The following ANXA6 variants were observed in gnomAD, a reference collection of about 807,000 sequenced individuals.
ANXA6 encodes 67 kDa calelectrin.
A neutral mutation model predicts 95.4 loss-of-function variants in ANXA6; 71 were observed. The ratio of observed to expected loss-of-function variants is 0.74; its 90% CI spans 0.61 to 0.91. The LOEUF is 0.91. Among genes scored for constraint, ANXA6 ranks in the 40% least tolerant of loss-of-function variants. ANXA6 has a pLI of 0.00. For missense variants in ANXA6, 830 were observed against 876.4 expected (o/e 0.95, Z 0.67); for synonymous variants, 289 against 315.9 (o/e 0.91, Z 0.90).
intron 14 of ANXA6, among the ~76,000 whole-genome samples, 167 bp downstream of exon 14, chr5:151,126,235 C>A (rs1394875511): frequency 6.6e-6 from 1 of 152,096 alleles, no homozygotes; most frequent in Non-Finnish European, 1.5e-5. Context: ...CCAGGTGCGC[C>A]CCTCCACCAG....
At chr5:151,139,752 G>A (rs918478311) in intron 3 of ANXA6, among the ~76,000 whole-genome samples, 2 of 152,154 alleles carry the variant, frequency 1.3e-5, no homozygotes, top group Non-Finnish European at 2.9e-5. Flanking sequence ...AATGAACCTG[G>A]CTTAGAAAAC....
rs1176415736 is a variant in ANXA6 at position 151,108,505 on chromosome 5, G to C, written c.1730C>G (p.Thr577Ser). 2 of 1,613,788 alleles carry C rather than the reference G, an allele frequency of 1.2e-6. No individual in the cohort carries two copies. The highest frequency in any genetic ancestry group is 1.3e-5 in the African/African-American group (1 of 74,876). The change falls in exon 23 of 26, where the codon ACC (threonine) becomes AGC (serine). Residue 577 changes from threonine (T) to serine (S), a missense_variant. Transcript: ENST00000354546. ...IKMTNYDVEH[T>S]IKKEMSGDVR... ...ATCCCCAGACATCTCCTTCTTGATG[G>C]TGTGCTCCACGTCATAGTTGGTCAT...
chr5:151,104,147 A>G (rs1764627154), intron 24 of ANXA6, among the ~76,000 whole-genome samples: 1 of 152,240 alleles, frequency 6.6e-6, no homozygotes, highest in African/African-American at 2.4e-5. Flanking sequence ...TCTGGCAACC[A>G]CCAGAAGCTA....
chr5:151,155,331 C>T (rs2113965274), intron 1 of ANXA6: 1 of 152,310 alleles, frequency 6.6e-6, no homozygotes, highest in South Asian at 2.1e-4. Flanking sequence ...TCAAGCACCA[C>T]ACCCTTTTGA....
intron 25 of ANXA6, 136 bp from the exon 26 acceptor site, chr5:151,101,643 G>A (rs1364311454): frequency 1.3e-6 from 1 of 763,948 alleles, no homozygotes; most frequent in East Asian, 2.7e-5. Context: ...GCCACATGTA[G>A]GCTACTGGGA....
Position 151,136,332 on chromosome 5 carries a change from T to A in ANXA6, c.413A>T (p.Tyr138Phe). 5 of 1,613,834 alleles carry A rather than the reference T, an allele frequency of 3.1e-6. No homozygotes were observed. Among genetic ancestry groups the A allele is most frequent in the Non-Finnish European group, 4.2e-6 (5 of 1,179,802 alleles). Residue 138 changes from tyrosine (Y) to phenylalanine (F), a missense_variant, in exon 7 of 26, where the codon TAC (tyrosine) becomes TTC (phenylalanine). Transcript: ENST00000354546. Reference protein sequence around the residue: ...HQLVAAYKDAYERDLEADIIG... With the variant: ...HQLVAAYKDAFERDLEADIIG... ...GATGTCAGCCTCCAGGTCCCGCTCG[T>A]AGGCTGCAGAAAGGAACGCAAGCTC... is the stretch of plus-strand genomic sequence containing the variant.
intron 22 of ANXA6, among the ~76,000 whole-genome samples, chr5:151,109,296 G>A (rs566192814): frequency 2.6e-4 from 40 of 152,244 alleles, no homozygotes; most frequent in African/African-American, 3.6e-4. Flanking sequence ...CATGATTACC[G>A]AGTGCCAGGG....
intron 22 of ANXA6, among the ~76,000 whole-genome samples, chr5:151,108,826 C>T (rs1055294682): frequency 3.9e-5 from 6 of 152,196 alleles, no homozygotes; most frequent in African/African-American, 1.4e-4. Context: ...TTCTGGGAAC[C>T]CAGGCTGGGG....
At chr5:151,130,394 G>A (rs1765461979) in intron 11 of ANXA6, among the ~76,000 whole-genome samples, 1 of 152,108 alleles carries the variant, frequency 6.6e-6, no homozygotes, top group African/African-American at 2.4e-5. Flanking sequence ...AGGACTACAG[G>A]TATGTGCCAC....
rs1217983185 is a variant in ANXA6 at position 151,132,507 on chromosome 5, A to G, written c.705T>C (p.Ser235=). 4 of 1,613,414 alleles carry G rather than the reference A, an allele frequency of 2.5e-6. No homozygotes were observed. Among genetic ancestry groups the G allele is most frequent in the Non-Finnish European group, 2.5e-6 (3 of 1,179,706 alleles). ...CCAGCATTAGCTTCTCAAAGTCCCC[A>G]GACAGCTCCCCTCGGATGCTGGCTT... ...PIEASIRGEL[S]GDFEKLMLAV... Residue 235 remains serine (S), a synonymous_variant, in exon 10 of 26, where the codon TCT becomes TCC. Coordinates refer to ENST00000354546, the MANE Select transcript of ANXA6 (RefSeq NM_001155.5).
At chr5:151,105,100 C>T in intron 24 of ANXA6, 145 bp downstream of exon 24, 4 of 792,076 alleles carry the variant, frequency 5.1e-6, no homozygotes. Context: ...ATCCTAGAGC[C>T]AGACAAGGGC....
At chr5:151,156,401 G>A (rs527425850) in intron 1 of ANXA6, among the ~76,000 whole-genome samples, 15 of 152,206 alleles carry the variant, frequency 9.9e-5, no homozygotes, top group Non-Finnish European at 1.6e-4. Context: ...TGCCCTCGGC[G>A]TGGCTCAGGG....
At chr5:151,129,567 A>G in intron 11 of ANXA6, 38 bp from the exon 12 acceptor site, 1 of 1,567,506 alleles carries the variant, frequency 6.4e-7, no homozygotes, top group East Asian at 2.3e-5. Flanking sequence ...TGGACTTGAG[A>G]GGAGGCTAGA....
chr5:151,147,178 C>T (rs777134772), intron 2 of ANXA6, among the ~76,000 whole-genome samples: 6 of 152,118 alleles, frequency 3.9e-5, no homozygotes, highest in African/African-American at 9.7e-5. Context: ...TTCTATTGCC[C>T]GGCAGAACAG....
At chr5:151,157,235 T>C in intron 1 of ANXA6, among the ~76,000 whole-genome samples, 1 of 152,150 alleles carries the variant, frequency 6.6e-6, no homozygotes, top group East Asian at 1.9e-4. Flanking sequence ...TATAAGCAGC[T>C]GGAGGGTCCA....
chr5:151,156,851 A>C (rs1766249395), intron 1 of ANXA6, among the ~76,000 whole-genome samples: 1 of 152,220 alleles, frequency 6.6e-6, no homozygotes, highest in South Asian at 2.1e-4. Context: ...TTTCCTTTGA[A>C]AGAGACTGGG....
Position 151,131,292 on chromosome 5 carries a change from G to A in ANXA6, c.737-3C>T, listed in dbSNP as rs1475486344. On this transcript the variant is annotated splice_polypyrimidine_tract_variant and splice_region_variant and intron_variant, in intron 10 of 25. Transcript: ENST00000354546. ...CGGGGTGCTCCGGATACACTTCACT[G>A]TGAAGAGGGAGGAAGAGGTAGAGTT... 1.2e-6 allele frequency: 2 copies of A among 1,613,888 alleles called. No homozygotes were observed. Among genetic ancestry groups the A allele is most frequent in the Non-Finnish European group, 1.7e-6 (2 of 1,179,828 alleles).
rs772992517 is a variant in ANXA6 at position 151,122,945 on chromosome 5, C to T, written c.1205G>A (p.Arg402Gln). 16 of 1,613,950 alleles carry T rather than the reference C, an allele frequency of 9.9e-6. No individual in the cohort carries two copies. The East Asian group carries it at 1.1e-4, about 11-fold the overall frequency. ...HRSNVQRQQI[R>Q]QTFKSHFGRD... ...GCCAAAGTGAGACTTGAAGGTCTGC[C>T]GGATCTGCTGCCGCTGGACATTGCT... is the stretch of plus-strand genomic sequence containing the variant. Residue 402 changes from arginine (R) to glutamine (Q), a missense_variant, in exon 16 of 26, where the codon CGG becomes CAG. Arg to Gln is a conservative substitution (Grantham distance 43). Transcript: ENST00000354546.
rs769331921 is a variant in ANXA6 at position 151,117,823 on chromosome 5, G to T, written c.1453C>A (p.Leu485Met). Residue 485 changes from leucine (L) to methionine (M), a missense_variant, in exon 19 of 26, where the codon CTG becomes ATG. Leu to Met is a conservative substitution (Grantham distance 15). Coordinates refer to ENST00000354546, the MANE Select transcript of ANXA6 (RefSeq NM_001155.5). The part of the protein sequence containing the change: ...EAYKEDYHKS[L>M]EDALSSDTSG... ...GTGTCTGAGCTCAGAGCATCCTCCA[G>T]GGACTTGTGATAGTCTGAGGCAGAG... The T allele has an allele frequency of 1.9e-6, 3 of 1,613,692 alleles. No individual in the cohort carries two copies. The highest frequency in any genetic ancestry group is 2.5e-6 in the Non-Finnish European group (3 of 1,179,682).
Sources: gnomAD v4.1 joint callset for allele counts (sites outside exome capture counted in the v4.1 genomes callset) on GRCh38, gnomAD v4.1.1 for gene constraint, MANE v1.5 for transcripts, NCBI Gene and HGNC (gene_info 2026-07-23, HGNC 2026-07-21) for gene names.